RANBP17: variants seen among roughly 807,000 people sequenced by gnomAD.
RANBP17 encodes RAN binding protein 17.
RANBP17 carries 158 observed loss-of-function variants against 141.2 expected under a neutral mutation model. The observed-to-expected ratio is 1.12, with a 90% CI of 0.98 to 1.28. RANBP17 has a LOEUF of 1.28. Among genes scored for constraint, RANBP17 ranks in the 50% most tolerant of loss-of-function variants. The pLI, the probability that RANBP17 is intolerant of heterozygous loss-of-function variation, is 0.00. For missense variants in RANBP17, 1,438 were observed against 1,290.7 expected (o/e 1.11, Z -1.75); for synonymous variants, 430 against 450.0 (o/e 0.96, Z 0.56).
At position 170,908,905 on chromosome 5, in the gene RANBP17, A is replaced by G. The variant is rs187960412; in HGVS notation, c.490-756A>G. ...GAAAATGGTTTATTTTCTTCTTCCAAATAGCAATAAGAATAAATAGTAATG... is the reference window on the plus strand; with the variant it reads ...GAAAATGGTTTATTTTCTTCTTCCAGATAGCAATAAGAATAAATAGTAATG... On this transcript the variant is annotated intron_variant, in intron 5 of 27. Coordinates refer to ENST00000523189, the MANE Select transcript of RANBP17 (RefSeq NM_022897.5). Among the ~76,000 whole-genome samples the G allele has an allele frequency of 4.7e-3, 722 of 152,034 alleles. 4 individuals are homozygous for G. The highest frequency in any genetic ancestry group is 0.017 in the African/African-American group (700 of 41,526).
chr5:170,960,946 G>A (rs10475554), intron 13 of RANBP17, among the ~76,000 whole-genome samples: 93,067 of 152,024 alleles, frequency 0.61, 29,861 homozygotes, highest in South Asian at 0.88. Context: ...GGGTTTCACC[G>A]TGTTGGCCAG....
At chr5:170,897,353 CTTCTTCT>C in intron 5 of RANBP17, 1 of 517,846 alleles carries the variant, frequency 1.9e-6, no homozygotes, top group Non-Finnish European at 3.7e-6. Context: ...TCTTCTTCTT[CTTCTTCT>C]TTTTTTTTTT....
At chr5:171,259,868 C>T (rs981031979) in intron 24 of RANBP17, among the ~76,000 whole-genome samples, 1 of 151,960 alleles carries the variant, frequency 6.6e-6, no homozygotes, top group African/African-American at 2.4e-5. Flanking sequence ...GTAATCCCAG[C>T]TACTCAGGAG....
At chr5:171,276,287 A>G (rs1767479241) in intron 25 of RANBP17, among the ~76,000 whole-genome samples, 1 of 152,236 alleles carries the variant, frequency 6.6e-6, no homozygotes, top group African/African-American at 2.4e-5. Context: ...CTTTTGAGTA[A>G]TGAATATTAA....
chr5:170,936,886 G>T (rs1194617181), intron 12 of RANBP17, among the ~76,000 whole-genome samples: 5 of 152,064 alleles, frequency 3.3e-5, no homozygotes, highest in African/African-American at 1.2e-4. Flanking sequence ...ATTTGTGATT[G>T]TTATGTCTTC....
At chr5:171,131,666 G>T (rs1242144161) in intron 14 of RANBP17, among the ~76,000 whole-genome samples, 1 of 152,202 alleles carries the variant, frequency 6.6e-6, no homozygotes, top group Non-Finnish European at 1.5e-5. Context: ...GTAGAAAGAG[G>T]TGATTTATGA....
chr5:170,951,271 T>G (rs557621258), intron 12 of RANBP17, among the ~76,000 whole-genome samples: 8 of 152,114 alleles, frequency 5.3e-5, no homozygotes, highest in Non-Finnish European at 1.0e-4. Context: ...AGGCAATAGA[T>G]ATGCCAAATA....
chr5:171,153,952 A>G (rs1478257682), intron 14 of RANBP17, among the ~76,000 whole-genome samples: 2 of 151,924 alleles, frequency 1.3e-5, no homozygotes, highest in Non-Finnish European at 2.9e-5. Flanking sequence ...TCTTGAACCA[A>G]GGAGGCGGAG....
At chr5:171,163,619 C>T (rs1187742892) in intron 14 of RANBP17, among the ~76,000 whole-genome samples, 1 of 152,158 alleles carries the variant, frequency 6.6e-6, no homozygotes, top group African/African-American at 2.4e-5. Flanking sequence ...TCCTAAGGAA[C>T]ACTAATGCTT....
intron 14 of RANBP17, among the ~76,000 whole-genome samples, chr5:171,038,466 G>A (rs971283480): frequency 2.8e-4 from 42 of 152,032 alleles, no homozygotes; most frequent in African/African-American, 9.9e-4. Flanking sequence ...ATGCTGTGGC[G>A]AGGGCTTCCA....
intron 14 of RANBP17, among the ~76,000 whole-genome samples, chr5:171,024,073 G>A (rs761670461): frequency 9.2e-5 from 14 of 152,144 alleles, no homozygotes; most frequent in Non-Finnish European, 1.2e-4. Flanking sequence ...TTCTTTAGAT[G>A]CTAGAATTAT....
intron 14 of RANBP17, among the ~76,000 whole-genome samples, chr5:170,971,024 A>G (rs1776949256): frequency 6.6e-6 from 1 of 152,192 alleles, no homozygotes; most frequent in South Asian, 2.1e-4. Context: ...AATTCGGCCT[A>G]GATCTCATGT....
intron 7 of RANBP17, among the ~76,000 whole-genome samples, chr5:170,912,856 T>G (rs1771645195): frequency 6.6e-6 from 1 of 151,872 alleles, no homozygotes; most frequent in Admixed American, 6.6e-5. Context: ...GATTGAAAGA[T>G]CCCACCAAGT....
In RANBP17 at chr5:170,958,156, T is replaced by A. The variant is rs530975522; in HGVS notation, c.1574+4454T>A. On this transcript the variant is annotated intron_variant, in intron 13 of 27. Transcript: ENST00000523189. ...TGACTGGGGGAGTAAGGACAAGCAG[T>A]ATATCCATTGGCTTCTTTCTGTGTC... Among the ~76,000 whole-genome samples the A allele has an allele frequency of 1.1e-4, 16 of 152,288 alleles. No individual in the cohort carries two copies. The East Asian group carries it at 3.1e-3, about 29-fold the overall frequency.
chr5:171,002,430 T>C (rs1302551698), intron 14 of RANBP17, among the ~76,000 whole-genome samples: 2 of 152,080 alleles, frequency 1.3e-5, no homozygotes, highest in African/African-American at 4.8e-5. Context: ...CCTTGCAGTG[T>C]ATGACTCCAG....
intron 14 of RANBP17, among the ~76,000 whole-genome samples, chr5:170,996,305 T>C (rs1030828020): frequency 6.6e-6 from 1 of 152,102 alleles, no homozygotes; most frequent in Non-Finnish European, 1.5e-5. Flanking sequence ...TAGACAATAA[T>C]GTCAATGAAA....
intron 22 of RANBP17, among the ~76,000 whole-genome samples, chr5:171,236,544 A>T (rs562632482): frequency 4.6e-5 from 7 of 152,280 alleles, no homozygotes; most frequent in South Asian, 4.1e-4. Flanking sequence ...GAAAAGGACT[A>T]GAGGGAAGTG....
At chr5:171,153,781 C>G (rs1368542795) in intron 14 of RANBP17, among the ~76,000 whole-genome samples, 1 of 152,146 alleles carries the variant, frequency 6.6e-6, no homozygotes, top group African/African-American at 2.4e-5. Flanking sequence ...AGTGCAGTGG[C>G]TCATGCCTGT....
chr5:170,931,342 T>G lies in RANBP17; in HGVS notation c.1468+6792T>G, dbSNP rs191877280. On this transcript the variant is annotated intron_variant, in intron 12 of 27. Transcript: ENST00000523189. The stretch of plus-strand genomic sequence containing the variant: ...TGTCAGATGGGTAGATTGTAAAAAT[T>G]TTTCTCCCATTCTGTAGGTTGCCTG... 6.1e-3 allele frequency among the ~76,000 whole-genome samples: 936 copies of G among 152,260 alleles called. 8 individuals carry two copies. Among genetic ancestry groups the G allele is most frequent in the African/African-American group, 0.021 (893 of 41,544 alleles).
Sources: gnomAD v4.1 joint callset for allele counts (sites outside exome capture counted in the v4.1 genomes callset) on GRCh38, gnomAD v4.1.1 for gene constraint, MANE v1.5 for transcripts, NCBI Gene and HGNC (gene_info 2026-07-23, HGNC 2026-07-21) for gene names.